Variants in AGRN observed in about 807,000 individuals in gnomAD.
AGRN encodes the protein agrin.
AGRN carries 106 observed loss-of-function variants against 211.0 expected under a neutral mutation model. That is an observed-to-expected ratio of 0.50 (90% CI 0.43 to 0.59). The LOEUF (loss-of-function observed/expected upper bound fraction) is 0.59, where lower values mean the gene tolerates loss of function less well. Among genes scored for constraint, AGRN ranks in the 20% least tolerant of loss-of-function variants. The pLI is 0.00. For missense variants in AGRN, 3,040 were observed against 2,982.6 expected (o/e 1.02, Z -0.45); for synonymous variants, 1,525 against 1,332.5 (o/e 1.14, Z -3.15).
At chr1:1,036,262 G>A (rs1315261254) in intron 3 of AGRN, among the ~76,000 whole-genome samples, 1 of 152,164 alleles carries the variant, frequency 6.6e-6, no homozygotes, top group African/African-American at 2.4e-5. Flanking sequence ...GGGGATGATG[G>A]CTGGAGGAGG....
intron 33 of AGRN, chr1:1,053,184 T>C (rs1645357930): frequency 3.2e-6 from 1 of 308,324 alleles, no homozygotes; most frequent in South Asian, 2.7e-5. Flanking sequence ...CCCTGCTGTC[T>C]GCACGTGGGT....
At position 1,050,703 on chromosome 1, in the gene AGRN, C is replaced by T. The variant is rs377139956; in HGVS notation, c.5142-23C>T. The T allele has an allele frequency of 6.3e-6, 10 of 1,599,934 alleles. No homozygotes were observed. The African/African-American group carries it at 1.3e-4, about 21-fold the overall frequency. ...CGTGGCCGGTGGTGGACAGAGCCCA[C>T]TCACGCTGCCCCTCCTCACCAGGAG... On this transcript the variant is annotated intron_variant, in intron 29 of 35. Transcript: ENST00000379370.
Position 1,032,677 on chromosome 1 carries a change from G to C in AGRN, c.464-2600G>C, listed in dbSNP as rs531372346. 5.9e-5 allele frequency among the ~76,000 whole-genome samples: 9 copies of C among 152,334 alleles called. No homozygotes were observed. In the East Asian group the frequency reaches 1.7e-3, roughly 29 times the overall value. Reference sequence around the variant, plus strand: ...TGGCTTGGTCCGCGGTGCTGGAGGGGACTGGCGGAGCAGAAGCGCCCTGGC... The same window carrying C: ...TGGCTTGGTCCGCGGTGCTGGAGGGCACTGGCGGAGCAGAAGCGCCCTGGC... On this transcript the variant is annotated intron_variant, in intron 2 of 35. Transcript: ENST00000379370. This position sits in a 1 kb window ranked among gnomAD's most constrained non-coding sequence, Gnocchi z 4.7.
rs371161588 is a variant in AGRN, at chr1:1,047,539, G to A, written c.3517-34G>A. ...AGCACCAGGGCAGCCCGGCTTGGGC[G>A]GCCCCCCAAGTCCTTGCCTACTCCC... On this transcript the variant is annotated intron_variant, in intron 20 of 35. Coordinates refer to ENST00000379370, the MANE Select transcript of AGRN (RefSeq NM_198576.4). The A allele has an allele frequency of 2.0e-4, 315 of 1,612,308 alleles. 1 individual carries two copies. The highest frequency in any genetic ancestry group is 4.5e-4 in the South Asian group (41 of 91,054).
rs531372346 is a variant in AGRN, at chr1:1,032,677, G to A, written c.464-2600G>A. ...TGGCTTGGTCCGCGGTGCTGGAGGG[G>A]ACTGGCGGAGCAGAAGCGCCCTGGC... On this transcript the variant is annotated intron_variant, in intron 2 of 35. Coordinates refer to ENST00000379370, the MANE Select transcript of AGRN (RefSeq NM_198576.4). This position sits in a 1 kb window ranked among gnomAD's most constrained non-coding sequence, Gnocchi z 4.7. Among the ~76,000 whole-genome samples the A allele has an allele frequency of 6.6e-6, 1 of 152,216 alleles. No individual in the cohort carries two copies. The highest frequency in any genetic ancestry group is 2.1e-4 in the South Asian group (1 of 4,836).
intron 2 of AGRN, among the ~76,000 whole-genome samples, chr1:1,026,778 G>A (rs993792061): frequency 5.9e-5 from 9 of 152,322 alleles, no homozygotes; most frequent in African/African-American, 2.2e-4. Flanking sequence ...CCCAGGAGGT[G>A]CCTGCCCCTC....
chr1:1,022,864 G>A (rs1214350157), intron 2 of AGRN, among the ~76,000 whole-genome samples: 4 of 152,274 alleles, frequency 2.6e-5, no homozygotes, highest in Non-Finnish European at 4.4e-5. Context: ...ACTCCTCGCC[G>A]TGGAGATCGG....
rs780817353 is a variant in AGRN, at chr1:1,044,172, G to A, written c.2063G>A (p.Arg688Gln). The change falls in exon 11 of 36, where the codon CGG becomes CAG. Residue 688 changes from arginine (R) to glutamine (Q), a missense_variant. By Grantham distance (43) the Arg-to-Gln change is conservative. Coordinates refer to ENST00000379370, the MANE Select transcript of AGRN (RefSeq NM_198576.4). The part of the protein sequence containing the change: ...EDGDCEQELC[R>Q]QRGGIWDEDS... ...GGTGACTGTGAGCAGGAGCTGTGCC[G>A]GCAGCGCGGTGGCATCTGGGACGAG... The A allele has an allele frequency of 1.7e-5, 28 of 1,613,162 alleles. No individual in the cohort carries two copies. Among genetic ancestry groups the A allele is most frequent in the Middle Eastern group, 3.3e-4 (2 of 6,084 alleles).
At position 1,045,255 on chromosome 1, in the gene AGRN, C is replaced by T. The variant is rs773501739; in HGVS notation, c.2349C>T (p.Gly783=). 34 of 1,611,520 alleles carry T rather than the reference C, an allele frequency of 2.1e-5. No homozygotes were observed. The highest frequency in any genetic ancestry group is 6.7e-5 in the African/African-American group (5 of 74,918). The part of the protein sequence containing the change: ...CCQDNITAAR[G]VGLAGCPSAC... ...AGGACAATATCACCGCAGCCCGGGGCGTGGGCCTGGCTGGCTGCCCCAGTG... is the reference window on the plus strand; with the variant it reads ...AGGACAATATCACCGCAGCCCGGGGTGTGGGCCTGGCTGGCTGCCCCAGTG... The change falls in exon 13 of 36, where the codon GGC becomes GGT. Residue 783 remains glycine, a synonymous_variant. Coordinates refer to ENST00000379370, the MANE Select transcript of AGRN (RefSeq NM_198576.4).
intron 2 of AGRN, 99 bp from the exon 3 acceptor site, chr1:1,035,178 G>C (rs1482556618): frequency 5.7e-6 from 7 of 1,229,844 alleles, no homozygotes; most frequent in Non-Finnish European, 8.2e-6. Flanking sequence ...GTGGGGGGGG[G>C]GGGGTGGGCA....
At chr1:1,047,016 G>T in intron 19 of AGRN, 59 bp downstream of exon 19, 1 of 1,548,416 alleles carries the variant, frequency 6.5e-7, no homozygotes, top group Non-Finnish European at 8.7e-7. Flanking sequence ...CCGAGGTGCT[G>T]CCCCCTCGCC....
chr1:1,037,012 C>T (rs912347909), intron 3 of AGRN, among the ~76,000 whole-genome samples: 9 of 152,092 alleles, frequency 5.9e-5, no homozygotes, highest in African/African-American at 2.2e-4. Flanking sequence ...CCTGGAAGAC[C>T]CTCTCCCTCC....
intron 22 of AGRN, 29 bp from the exon 23 acceptor site, chr1:1,047,983 G>A: frequency 6.4e-7 from 1 of 1,570,164 alleles, no homozygotes; most frequent in Non-Finnish European, 8.6e-7. Flanking sequence ...CTGCTCCCAG[G>A]AAACCCTAAC....
Position 1,045,491 on chromosome 1 carries a change from G to A in AGRN, c.2504G>A (p.Gly835Asp). 1 of 1,612,954 alleles carries A rather than the reference G, an allele frequency of 6.2e-7. No individual in the cohort carries two copies. Among genetic ancestry groups the A allele is most frequent in the Non-Finnish European group, 8.5e-7 (1 of 1,179,950 alleles). Reference protein sequence around the residue: ...RCEPGFWNFRGIVTDGRSGCT... With the variant: ...RCEPGFWNFRDIVTDGRSGCT... ...GAGCCTGGCTTCTGGAACTTTCGAGGCATCGTCACCGATGGCCGGAGTGGC... is the reference window on the plus strand; with the variant it reads ...GAGCCTGGCTTCTGGAACTTTCGAGACATCGTCACCGATGGCCGGAGTGGC... The change falls in exon 14 of 36, where the codon GGC becomes GAC. Residue 835 changes from glycine (G) to aspartate (D), a missense_variant. Transcript: ENST00000379370.
intron 34 of AGRN, among the ~76,000 whole-genome samples, 186 bp from the exon 35 acceptor site, chr1:1,054,262 C>A (rs1225438468): frequency 6.6e-6 from 1 of 152,232 alleles, no homozygotes; most frequent in Non-Finnish European, 1.5e-5. Flanking sequence ...CAGGAATGTC[C>A]CCGGCCTTGG....
chr1:1,035,385 C>T lies in AGRN; in HGVS notation c.511+61C>T, dbSNP rs377303595. The T allele has an allele frequency of 1.4e-3, 2,221 of 1,591,770 alleles. 4 individuals are homozygous for T. Among genetic ancestry groups the T allele is most frequent in the Non-Finnish European group, 1.8e-3 (2,051 of 1,160,688 alleles). ...TGTGGCACTCTTGGGAGTCAGGGGC[C>T]ATTTGGAGGTGTGCACCCAGACGTG... On this transcript the variant is annotated intron_variant, in intron 3 of 35. Transcript: ENST00000379370.
chr1:1,050,958 C>T, intron 30 of AGRN, 121 bp downstream of exon 30: 1 of 1,548,978 alleles, frequency 6.5e-7, no homozygotes, highest in Admixed American at 2.0e-5. Flanking sequence ...TGGCCGCCTG[C>T]CCTGTCCTCT....
At chr1:1,021,347 C>G (rs528779277) in intron 1 of AGRN, among the ~76,000 whole-genome samples, 12 of 152,334 alleles carry the variant, frequency 7.9e-5, no homozygotes, top group Admixed American at 6.5e-4. Flanking sequence ...GGTCATCTGC[C>G]TCCTGGAGCC....
In AGRN at chr1:1,042,029, C is replaced by A. The variant is rs1157375846; in HGVS notation, c.1251C>A (p.Asp417Glu). The change falls in exon 7 of 36, where the codon GAC (aspartate) becomes GAA (glutamate). Residue 417 changes from aspartate (D) to glutamate (E), a missense_variant. Asp to Glu is a conservative substitution (Grantham distance 45, BLOSUM62 2). Around this residue, in one of 3 missense-constraint regions of AGRN, gnomAD observed 1,498 missense variants for 1,457.8 expected, o/e 1.03. Coordinates refer to ENST00000379370, the MANE Select transcript of AGRN (RefSeq NM_198576.4). ...SRRGRPRCSCDRVTCDGAYRP... is the reference protein window; with the variant it reads ...SRRGRPRCSCERVTCDGAYRP... Reference sequence around the variant, plus strand: ...GTGGCCGTCCCCGCTGCTCCTGCGACCGCGTCACCTGTGACGGGGCCTACA... The same window carrying A: ...GTGGCCGTCCCCGCTGCTCCTGCGAACGCGTCACCTGTGACGGGGCCTACA... 1 of 1,610,454 alleles carries A rather than the reference C, an allele frequency of 6.2e-7. No homozygotes were observed.
Sources: allele counts gnomAD v4.1 joint callset (sites outside exome capture counted in the v4.1 genomes callset), GRCh38; gene constraint gnomAD v4.1.1; regional missense constraint gnomAD v4.1.1; non-coding constraint Gnocchi (gnomAD v3.1); transcripts MANE v1.5; gene names NCBI Gene and HGNC (gene_info 2026-07-23, HGNC 2026-07-21).